EBF4: variants seen among roughly 807,000 people sequenced by gnomAD.
EBF4 encodes the protein transcription factor COE4.
EBF4 carries 34 observed loss-of-function variants against 67.1 expected under a neutral mutation model. The ratio of observed to expected loss-of-function variants is 0.51; its 90% CI spans 0.39 to 0.67. The LOEUF is 0.67. Ranked by LOEUF, EBF4 falls within the 30% of genes least tolerant of loss-of-function variation. The probability of loss-of-function intolerance (pLI) is 0.00; values close to 1 mark genes in which losing one functional copy is unlikely to be tolerated. For missense variants in EBF4, 837 were observed against 873.3 expected, an observed-to-expected ratio of 0.96 and a Z score of 0.52; for synonymous variants, 387 against 377.7, an observed-to-expected ratio of 1.02 and a Z score of -0.29.
Position 2,696,923 on chromosome 20 carries a change from G to A in EBF4, c.137+3141G>A, listed in dbSNP as rs954613761. ...TCCCCTAAGGCAAGGGTAGCGGTCC[G>A]TTCATCCTTGTGTCCACAGCACCCA... On this transcript the variant is annotated intron_variant, in intron 1 of 16. Transcript: ENST00000609451. The surrounding 1 kb of genome is among the most constrained non-coding windows in gnomAD (Gnocchi z 4.7). 2.0e-5 allele frequency among the ~76,000 whole-genome samples: 3 copies of A among 152,154 alleles called. No homozygotes were observed. The highest frequency in any genetic ancestry group is 2.1e-4 in the South Asian group (1 of 4,824).
intron 6 of EBF4, among the ~76,000 whole-genome samples, chr20:2,711,909 C>G (rs2087549518): frequency 6.6e-6 from 1 of 152,120 alleles, no homozygotes; most frequent in African/African-American, 2.4e-5. Flanking sequence ...ACATTTGAGC[C>G]AAGACCTCAA....
intron 16 of EBF4, 91 bp downstream of exon 16, chr20:2,759,075 C>A: frequency 8.1e-7 from 1 of 1,235,976 alleles, no homozygotes; most frequent in Non-Finnish European, 1.1e-6. Flanking sequence ...GCTCAAGCCT[C>A]CCCGCTAGCA....
chr20:2,704,861 C>T (rs1462340700), intron 1 of EBF4, among the ~76,000 whole-genome samples: 1 of 152,242 alleles, frequency 6.6e-6, no homozygotes, highest in East Asian at 1.9e-4. Context: ...GAATGCCTTC[C>T]TCCTGCTCTC....
intron 6 of EBF4, among the ~76,000 whole-genome samples, chr20:2,741,605 TA>T (rs1045172937): frequency 6.6e-6 from 1 of 152,164 alleles, no homozygotes; most frequent in Admixed American, 6.5e-5. Flanking sequence ...TGGGGAGGAA[TA>T]AAAAGCGTTT....
intron 6 of EBF4, among the ~76,000 whole-genome samples, chr20:2,728,358 C>A (rs1395676265): frequency 6.6e-6 from 1 of 152,190 alleles, no homozygotes; most frequent in Admixed American, 6.5e-5. Context: ...TTGTCTGATT[C>A]TAAAGCATCT....
In EBF4 at chr20:2,755,609, C is replaced by G; in HGVS notation, c.1541-18C>G. On this transcript the variant is annotated intron_variant, in intron 14 of 16. Transcript: ENST00000609451. The surrounding 1 kb of genome is among the most constrained non-coding windows in gnomAD (Gnocchi z 4.7). ...CACCTTCCCTGCTGCGCCTGCCCCT[C>G]CCCGCCCCGCCCCGGAGTCATGCCC... 9.3e-7 allele frequency: 1 copy of G among 1,077,052 alleles called. No homozygotes were observed. The highest frequency in any genetic ancestry group is 1.4e-6 in the Non-Finnish European group (1 of 724,904). The allele number at this position is 1,077,052 out of a possible 1,614,324, so 66.7% of individuals were successfully genotyped here. A position where few individuals can be genotyped will look rare whatever the true frequency, so the allele number is the denominator to read the frequency against.
intron 6 of EBF4, among the ~76,000 whole-genome samples, chr20:2,729,218 C>T (rs2087782677): frequency 2.0e-5 from 3 of 152,082 alleles, no homozygotes; most frequent in African/African-American, 4.8e-5. Context: ...GACTGAAAGC[C>T]TTCGCCGACT....
At position 2,705,512 on chromosome 20, in the gene EBF4, G is replaced by A. The variant is rs749562736; in HGVS notation, c.138-65G>A. 258 of 1,549,362 alleles carry A rather than the reference G, an allele frequency of 1.7e-4. 3 individuals carry two copies. Among genetic ancestry groups the A allele is most frequent in the Non-Finnish European group, 7.6e-5 (87 of 1,145,370 alleles). ...CCTGGCTAGCATGCCTGCCTGGCCC[G>A]AGGCGCTGGAGTCTTTCTCACTGGG... On this transcript the variant is annotated intron_variant, in intron 1 of 16. Coordinates refer to ENST00000609451, the Ensembl canonical transcript of EBF4.
In EBF4 at chr20:2,755,825, G is replaced by A; in HGVS notation, c.1738+1G>A. The stretch of plus-strand genomic sequence containing the variant: ...AGAGCCCACGGAGAGGGGCTTCCAG[G>A]TGAGTGATCCACCCTGCCTCACTGT... On this transcript the variant is annotated splice_donor_variant, in intron 15 of 16. Transcript: ENST00000609451. LOFTEE classifies it high-confidence loss of function. This position sits in a 1 kb window ranked among gnomAD's most constrained non-coding sequence, Gnocchi z 4.7. The A allele has an allele frequency of 6.5e-7, 1 of 1,546,114 alleles. No homozygotes were observed. Among genetic ancestry groups the A allele is most frequent in the Non-Finnish European group, 8.7e-7 (1 of 1,146,712 alleles).
chr20:2,711,000 T>G (rs1458404359), intron 6 of EBF4, among the ~76,000 whole-genome samples: 1 of 151,824 alleles, frequency 6.6e-6, no homozygotes, highest in African/African-American at 2.4e-5. Flanking sequence ...ACACAAAAAT[T>G]AGCTGGGCAT....
intron 6 of EBF4, among the ~76,000 whole-genome samples, chr20:2,719,758 T>C (rs2087655855): frequency 6.6e-6 from 1 of 152,238 alleles, no homozygotes. Context: ...ACATGTACTT[T>C]GTGTGACTTG....
chr20:2,693,208 G>C (rs1277354818), upstream of EBF4: 2 of 154,430 alleles, frequency 1.3e-5, no homozygotes, highest in Admixed American at 1.3e-4. This position sits in a 1 kb window ranked among gnomAD's most constrained non-coding sequence, Gnocchi z 4.6. Flanking sequence ...TGGGGGCGGC[G>C]AGGGGGAAAG....
intron 6 of EBF4, among the ~76,000 whole-genome samples, chr20:2,710,968 C>A (rs1434763965): frequency 6.6e-6 from 1 of 151,948 alleles, no homozygotes; most frequent in Non-Finnish European, 1.5e-5. Flanking sequence ...AGGGTAAAAT[C>A]CCATCTCAAC....
At chr20:2,738,471 G>A (rs2087921520) in intron 6 of EBF4, among the ~76,000 whole-genome samples, 1 of 152,182 alleles carries the variant, frequency 6.6e-6, no homozygotes, top group South Asian at 2.1e-4. Flanking sequence ...AGGCTTGAGA[G>A]GACTTGTGTG....
At chr20:2,757,990 A>G (rs1186970312) in intron 15 of EBF4, among the ~76,000 whole-genome samples, 3 of 152,216 alleles carry the variant, frequency 2.0e-5, no homozygotes, top group African/African-American at 7.2e-5. Flanking sequence ...ACATACAAAT[A>G]TATGCCAAAG....
Position 2,745,044 on chromosome 20 carries a change from C to T in EBF4, c.558-3505C>T, listed in dbSNP as rs2088030043. 6.6e-6 allele frequency among the ~76,000 whole-genome samples: 1 copy of T among 152,176 alleles called. No individual in the cohort carries two copies. Among genetic ancestry groups the T allele is most frequent in the African/African-American group, 2.4e-5 (1 of 41,454 alleles). On this transcript the variant is annotated intron_variant, in intron 6 of 16. Coordinates refer to ENST00000609451, the Ensembl canonical transcript of EBF4. The surrounding 1 kb of genome is among the most constrained non-coding windows in gnomAD (Gnocchi z 5.2). ...CTGCAAGGGTTCATGCCGCGTGGGG[C>T]TGGTGGCTATAGTAATGGGTAGCGC...
chr20:2,695,784 A>T (rs757418553), intron 1 of EBF4, among the ~76,000 whole-genome samples: 4 of 151,332 alleles, frequency 2.6e-5, no homozygotes, highest in African/African-American at 9.7e-5. Flanking sequence ...CTCCGCCTTC[A>T]TCACGGCCTG....
chr20:2,693,377 C>G (rs996254036), upstream of EBF4, among the ~76,000 whole-genome samples: 1 of 151,318 alleles, frequency 6.6e-6, no homozygotes, highest in African/African-American at 2.4e-5. This position sits in a 1 kb window ranked among gnomAD's most constrained non-coding sequence, Gnocchi z 4.6. Flanking sequence ...CCCCGCCCCG[C>G]TCGCAGTCCG....
chr20:2,740,731 G>T (rs2087954531), intron 6 of EBF4, among the ~76,000 whole-genome samples: 1 of 152,110 alleles, frequency 6.6e-6, no homozygotes, highest in Non-Finnish European at 1.5e-5. Context: ...GAAAAGGAAT[G>T]AGTATAGAGG....
Sources: allele counts gnomAD v4.1 joint callset (sites outside exome capture counted in the v4.1 genomes callset), GRCh38; gene constraint gnomAD v4.1.1; non-coding constraint Gnocchi (gnomAD v3.1); transcripts MANE v1.5; gene names NCBI Gene and HGNC (gene_info 2026-07-23, HGNC 2026-07-21).